Variants in LZTR1 observed in about 807,000 individuals in gnomAD.
LZTR1 encodes the protein leucine zipper like post translational regulator 1, also known as leucine-zipper-like transcriptional regulator 1.
LZTR1 carries 260 observed loss-of-function variants against 105.7 expected under a neutral mutation model. The ratio of observed to expected loss-of-function variants is 2.46; its 90% confidence interval spans 2.22 to 2.72. The LOEUF is 2.72. Ranked by LOEUF, LZTR1 falls within the 30% of genes most tolerant of loss-of-function variation. The probability of loss-of-function intolerance (pLI) is 0.00; values close to 1 mark genes in which losing one functional copy is unlikely to be tolerated. For synonymous variants in LZTR1, 490 were observed against 476.4 expected (o/e 1.03, Z -0.37); for missense variants, 1,214 against 1,166.9 (o/e 1.04, Z -0.59).
intron 1 of LZTR1, 142 bp from the exon 2 acceptor site, chr22:20,982,885 T>G: frequency 1.4e-6 from 1 of 698,950 alleles, no homozygotes. Flanking sequence ...GCAGGATGAT[T>G]GGTGTTATCT....
intron 11 of LZTR1, 39 bp downstream of exon 11, chr22:20,992,943 C>T (rs369541477): frequency 3.3e-5 from 46 of 1,375,740 alleles, no homozygotes; most frequent in South Asian, 1.6e-4. Context: ...GCTGGGTGGA[C>T]GGATCCCCCG....
Position 20,982,511 on chromosome 22 carries a change from C to T in LZTR1, c.140C>T (p.Pro47Leu), listed in dbSNP as rs1445710752. 5 of 1,613,066 alleles carry T rather than the reference C, an allele frequency of 3.1e-6. No individual in the cohort carries two copies. The highest frequency in any genetic ancestry group is 3.4e-6 in the Non-Finnish European group (4 of 1,179,778). ...SVEYLTLNFG[P>L]FETVHRWRRL... ...GAGTACCTGACGCTCAACTTCGGGC[C>T]CTTCGAAACAGTGCATCGCTGGCGG... The change falls in exon 1 of 21, where the codon CCC (proline) becomes CTC (leucine). Residue 47 changes from proline (P) to leucine (L), a missense_variant. Transcript: ENST00000646124.
intron 11 of LZTR1, 28 bp downstream of exon 11, chr22:20,992,932 G>A (rs375308975): frequency 1.2e-4 from 175 of 1,463,876 alleles, no homozygotes; most frequent in African/African-American, 1.1e-3. Flanking sequence ...CTGTAGAGCC[G>A]GCTGGGTGGA....
At chr22:20,991,917 C>A in intron 9 of LZTR1, 88 bp downstream of exon 9, 2 of 1,291,360 alleles carry the variant, frequency 1.5e-6, no homozygotes, top group South Asian at 1.4e-5. Context: ...AGCTTTGGGG[C>A]CCCCTGGGGT....
At position 20,994,683 on chromosome 22, in the gene LZTR1, G is replaced by A; in HGVS notation, c.1741G>A (p.Val581Ile). 6.2e-7 allele frequency: 1 copy of A among 1,612,840 alleles called. No homozygotes were observed. The highest frequency in any genetic ancestry group is 2.2e-5 in the East Asian group (1 of 44,874). ...CTCCGTGGACCTGCAGAACGTGCTG[G>A]TTGTGTGCGAGAGTGCCGCCCGGCT... is the stretch of plus-strand genomic sequence containing the variant. ...EASVDLQNVL[V>I]VCESAARLQL... The change falls in exon 15 of 21, where the codon GTT becomes ATT. Residue 581 changes from valine (V) to isoleucine (I), a missense_variant. By Grantham distance (29) the Val-to-Ile change is conservative. Coordinates refer to ENST00000646124, the MANE Select transcript of LZTR1 (RefSeq NM_006767.4).
chr22:20,985,880 A>G lies in LZTR1; in HGVS notation c.303A>G (p.Lys101=), dbSNP rs751588662. ...MLNDLLRFDV[K]DCSWCRAFTT... ...ATGACCTCCTGCGGTTCGATGTGAAAGACTGCTCCTGGTGCAGGTGGGTGG... is the reference window on the plus strand; with the variant it reads ...ATGACCTCCTGCGGTTCGATGTGAAGGACTGCTCCTGGTGCAGGTGGGTGG... The change falls in exon 3 of 21, where the codon AAA becomes AAG. Residue 101 remains lysine, a synonymous_variant. Transcript: ENST00000646124. 6.2e-7 allele frequency: 1 copy of G among 1,614,164 alleles called. No homozygotes were observed. Among genetic ancestry groups the G allele is most frequent in the East Asian group, 2.2e-5 (1 of 44,892 alleles).
intron 7 of LZTR1, 148 bp downstream of exon 7, chr22:20,989,830 C>A: frequency 1.2e-6 from 1 of 844,134 alleles, no homozygotes; most frequent in Non-Finnish European, 1.9e-6. Flanking sequence ...GGGGTCGAGG[C>A]TGCTTTCTTC....
At position 20,985,745 on chromosome 22, in the gene LZTR1, C is replaced by T. The variant is rs1426761810; in HGVS notation, c.264-96C>T. The T allele has an allele frequency of 4.3e-6, 5 of 1,152,578 alleles. No individual in the cohort carries two copies. The East Asian group carries it at 1.2e-4, about 28-fold the overall frequency. 71.4% of individuals were successfully genotyped at this position (1,152,578 alleles called of 1,614,324 possible). ...GTGTTAGTGACCCAGCCCACAACAG[C>T]CCCCTACTCTACCCTGGCTACATGC... On this transcript the variant is annotated intron_variant, in intron 2 of 20. Coordinates refer to ENST00000646124, the MANE Select transcript of LZTR1 (RefSeq NM_006767.4).
intron 6 of LZTR1, 50 bp downstream of exon 6, chr22:20,988,922 C>T (rs766557210): frequency 1.5e-5 from 23 of 1,516,064 alleles, no homozygotes; most frequent in African/African-American, 5.5e-5. Context: ...CACTGAGACC[C>T]GGAGCAGGCC....
intron 2 of LZTR1, among the ~76,000 whole-genome samples, chr22:20,984,163 C>A (rs963586055): frequency 6.6e-6 from 1 of 152,204 alleles, no homozygotes; most frequent in African/African-American, 2.4e-5. Flanking sequence ...CATTGCTTCC[C>A]CTCCATACCT....
chr22:20,984,066 G>A (rs79455860), intron 2 of LZTR1, among the ~76,000 whole-genome samples: 10,856 of 152,214 alleles, frequency 0.071, 445 homozygotes, highest in South Asian at 0.16. Flanking sequence ...CCCTTGCACT[G>A]CCCATTCTCT....
rs752489470 is a variant in LZTR1 at position 20,995,028 on chromosome 22, T to C, written c.1942+2T>C. 1.2e-6 allele frequency: 2 copies of C among 1,604,750 alleles called. No individual in the cohort carries two copies. The highest frequency in any genetic ancestry group is 1.1e-5 in the South Asian group (1 of 90,634). On this transcript the variant is annotated splice_donor_variant, in intron 16 of 20. Transcript: ENST00000646124. LOFTEE classifies it high-confidence loss of function. ...CCTTGGACCAGCCAGTGGACATTGG[T>C]AGGGAGCCCCGTTCCCCTTCCCTGG...
In LZTR1 at chr22:20,996,889, C is replaced by T; in HGVS notation, c.2329C>T (p.Leu777=). Residue 777 remains leucine, a synonymous_variant, in exon 20 of 21, where the codon CTG becomes TTG. Transcript: ENST00000646124. ...CTCAAGGTCCCTGCCATTGCAGATC[C>T]TGGAGGCAGCTGACAAAACGCAGGC... ...NVTVQNVLQI[L]EAADKTQALD... 1.2e-6 allele frequency: 2 copies of T among 1,612,082 alleles called. No individual in the cohort carries two copies. The highest frequency in any genetic ancestry group is 1.7e-5 in the Admixed American group (1 of 59,958).
intron 10 of LZTR1, 88 bp downstream of exon 10, chr22:20,992,457 C>A: frequency 7.2e-7 from 1 of 1,383,810 alleles, no homozygotes; most frequent in African/African-American, 1.4e-5. Context: ...AGACTGAGGC[C>A]CCGAGAAATA....
intron 8 of LZTR1, 48 bp downstream of exon 8, chr22:20,990,573 G>T: frequency 6.5e-7 from 1 of 1,544,504 alleles, no homozygotes; most frequent in South Asian, 1.2e-5. Context: ...CAGTTCCCTC[G>T]AATCCTTCTG....
At position 20,995,763 on chromosome 22, in the gene LZTR1, G is replaced by T; in HGVS notation, c.1960G>T (p.Asp654Tyr). 1 of 1,613,610 alleles carries T rather than the reference G, an allele frequency of 6.2e-7. No homozygotes were observed. The highest frequency in any genetic ancestry group is 1.1e-5 in the South Asian group (1 of 91,086). ...PVDIGTSLIQDMKAYLEGAGA... is the reference protein window; with the variant it reads ...PVDIGTSLIQYMKAYLEGAGA... ...ACCCCCAGGCACATCTCTGATCCAG[G>T]ACATGAAGGCATACCTGGAGGGAGC... is the stretch of plus-strand genomic sequence containing the variant. The change falls in exon 17 of 21, where the codon GAC (aspartate) becomes TAC (tyrosine). Residue 654 changes from aspartate to tyrosine, a missense_variant. Coordinates refer to ENST00000646124, the MANE Select transcript of LZTR1 (RefSeq NM_006767.4).
chr22:20,998,486 C>G lies in LZTR1; in HGVS notation c.*1138C>G, dbSNP rs1250269283. ...TTACTGGGAACAGGATTCCAGGACC[C>G]CTTTCTTGTTGTGGCTGCCATGAAG... On this transcript the variant is annotated 3_prime_UTR_variant, in exon 21 of 21. Coordinates refer to ENST00000646124, the MANE Select transcript of LZTR1 (RefSeq NM_006767.4). 6.6e-6 allele frequency: 1 copy of G among 152,328 alleles called. No individual in the cohort carries two copies. Among genetic ancestry groups the G allele is most frequent in the Admixed American group, 6.5e-5 (1 of 15,288 alleles). 9.4% of individuals were successfully genotyped at this position (152,328 alleles called of 1,614,324 possible).
chr22:20,985,463 G>T (rs955787435), intron 2 of LZTR1, among the ~76,000 whole-genome samples: 2 of 141,136 alleles, frequency 1.4e-5, no homozygotes, highest in African/African-American at 6.5e-5. Flanking sequence ...GGGTACAGCT[G>T]CAGAGGAAGG....
Position 20,996,964 on chromosome 22 carries a change from A to T in LZTR1, c.2404A>T (p.Lys802Ter). ...CLHIIVHQFT[K>*]VSKLPTLRSL... ...GCACATCATTGTGCACCAGTTCACC[A>T]AGGTCAGGGCTCTGGCCTCCCCTTC... The change falls in exon 20 of 21, where the codon AAG (lysine) becomes TAG (stop). Residue 802 changes from lysine (K) to a stop codon, truncating the protein, a stop_gained and splice_region_variant. Transcript: ENST00000646124. LOFTEE classifies it high-confidence loss of function. 1.9e-6 allele frequency: 3 copies of T among 1,613,662 alleles called. No homozygotes were observed. Among genetic ancestry groups the T allele is most frequent in the Non-Finnish European group, 2.5e-6 (3 of 1,179,952 alleles).
Sources: allele counts gnomAD v4.1 joint callset (sites outside exome capture counted in the v4.1 genomes callset), GRCh38; gene constraint gnomAD v4.1.1; transcripts MANE v1.5; gene names NCBI Gene and HGNC (gene_info 2026-07-23, HGNC 2026-07-21).